SLC25A12: variants seen among roughly 807,000 people sequenced by gnomAD.
The protein encoded by SLC25A12 is electrogenic aspartate/glutamate antiporter SLC25A12, mitochondrial.
Under a neutral mutation model 83.3 loss-of-function variants are expected in SLC25A12, and 32 were observed. That is an observed-to-expected ratio of 0.38 (90% CI 0.29 to 0.52). The LOEUF (loss-of-function observed/expected upper bound fraction) is 0.52. Among genes scored for constraint, SLC25A12 ranks in the 20% least tolerant of loss-of-function variants. The pLI is 0.84. For missense variants in SLC25A12, 611 were observed against 835.6 expected (o/e 0.73, Z 3.31); for synonymous variants, 267 against 291.1 (o/e 0.92, Z 0.84).
chr2:171,884,759 G>C (rs1378587656), intron 2 of SLC25A12, among the ~76,000 whole-genome samples: 1 of 150,904 alleles, frequency 6.6e-6, no homozygotes, highest in Non-Finnish European at 1.5e-5. Context: ...TGGGCAACAA[G>C]AGCAAAACTC....
At chr2:171,808,571 T>C (rs1001792496) in intron 13 of SLC25A12, among the ~76,000 whole-genome samples, 3 of 152,232 alleles carry the variant, frequency 2.0e-5, no homozygotes, top group African/African-American at 7.2e-5. Context: ...ATATGAATGG[T>C]AACTCTATCC....
rs770224436 is a variant in SLC25A12 at position 171,894,224 on chromosome 2, G to A, written c.-10C>T. The A allele has an allele frequency of 3.2e-5, 52 of 1,608,716 alleles. No homozygotes were observed. The highest frequency in any genetic ancestry group is 5.0e-5 in the Admixed American group (3 of 59,484). The stretch of plus-strand genomic sequence containing the variant: ...TCACCTTGACCGCCATGCTGTGCTC[G>A]GAAGCCGGGGACGAGCGAGTGAGCG... On this transcript the variant is annotated 5_prime_UTR_variant, in exon 1 of 18. Coordinates refer to ENST00000422440, the MANE Select transcript of SLC25A12 (RefSeq NM_003705.5).
intron 13 of SLC25A12, among the ~76,000 whole-genome samples, chr2:171,794,135 T>G (rs1406273245): frequency 1.3e-5 from 2 of 152,160 alleles, no homozygotes; most frequent in East Asian, 3.8e-4. Flanking sequence ...GAAAAAGAGA[T>G]AGTAAAAGAC....
intron 11 of SLC25A12, among the ~76,000 whole-genome samples, chr2:171,810,659 C>G (rs1191555715): frequency 6.6e-6 from 1 of 152,146 alleles, no homozygotes; most frequent in Non-Finnish European, 1.5e-5. Flanking sequence ...TACACAGATA[C>G]TGTACACTTG....
chr2:171,860,975 C>CA (rs1685145709), intron 3 of SLC25A12, among the ~76,000 whole-genome samples: 1 of 151,902 alleles, frequency 6.6e-6, no homozygotes, highest in South Asian at 2.1e-4. Flanking sequence ...CCTGTGGTCC[C>CA]AACTATTTGG....
intron 2 of SLC25A12, among the ~76,000 whole-genome samples, chr2:171,873,011 T>C (rs1685489515): frequency 6.6e-6 from 1 of 152,190 alleles, no homozygotes; most frequent in African/African-American, 2.4e-5. Flanking sequence ...AACTTTATTC[T>C]GCGAGCTGTG....
At chr2:171,871,056 G>A (rs566844292) in intron 2 of SLC25A12, among the ~76,000 whole-genome samples, 23 of 152,102 alleles carry the variant, frequency 1.5e-4, no homozygotes, top group Admixed American at 4.6e-4. Context: ...TAGAAAAGTA[G>A]CTGGGCATGG....
intron 5 of SLC25A12, among the ~76,000 whole-genome samples, chr2:171,837,823 T>C (rs1684589295): frequency 3.3e-5 from 5 of 152,208 alleles, no homozygotes; most frequent in Admixed American, 2.0e-4. Flanking sequence ...CAATATTCAG[T>C]CATTCTAAAA....
chr2:171,858,576 A>G (rs1169503343), intron 3 of SLC25A12, among the ~76,000 whole-genome samples: 1 of 152,250 alleles, frequency 6.6e-6, no homozygotes, highest in East Asian at 1.9e-4. Flanking sequence ...CAGCTGGCAG[A>G]CTGAATTTGG....
intron 3 of SLC25A12, among the ~76,000 whole-genome samples, chr2:171,857,319 C>T (rs996997689): frequency 6.6e-6 from 1 of 152,116 alleles, no homozygotes; most frequent in African/African-American, 2.4e-5. Context: ...TGTAATAAGC[C>T]ATGATCATGC....
intron 3 of SLC25A12, among the ~76,000 whole-genome samples, chr2:171,866,574 G>C (rs1345309728): frequency 2.3e-5 from 3 of 128,906 alleles, no homozygotes; most frequent in Admixed American, 7.6e-5. Context: ...CCGGGCGGCT[G>C]GCCGGGCGGG....
intron 13 of SLC25A12, among the ~76,000 whole-genome samples, chr2:171,805,300 G>A (rs911749879): frequency 5.9e-5 from 9 of 152,092 alleles, no homozygotes; most frequent in African/African-American, 2.2e-4. Flanking sequence ...CAGTAGAGAC[G>A]GGGTTTCACT....
Position 171,784,826 on chromosome 2 carries a change from GAATTT to G in SLC25A12, c.*443_*447del. 5.3e-6 allele frequency: 1 copy of G among 188,320 alleles called. No individual in the cohort carries two copies. Among genetic ancestry groups the G allele is most frequent in the Middle Eastern group, 2.6e-3 (1 of 382 alleles). The allele number at this position is 188,320 out of a possible 1,614,324, so 11.7% of individuals were successfully genotyped here. The stretch of plus-strand genomic sequence containing the variant: ...TTCCATAAGTCACCAATAAGAGAAT[GAATTT>G]AATTTTAATACATTTATTTTTGTGT... On this transcript the variant is annotated 3_prime_UTR_variant, in exon 18 of 18. Transcript: ENST00000422440.
intron 13 of SLC25A12, among the ~76,000 whole-genome samples, chr2:171,800,183 A>G (rs1683680890): frequency 1.3e-5 from 2 of 152,192 alleles, no homozygotes; most frequent in Admixed American, 1.3e-4. Context: ...AAAGTAATAA[A>G]CAAGTCACAA....
chr2:171,784,866 T>C lies in SLC25A12; in HGVS notation c.*408A>G. The C allele has an allele frequency of 5.3e-6, 1 of 189,136 alleles. No individual in the cohort carries two copies. Among genetic ancestry groups the C allele is most frequent in the Non-Finnish European group, 1.1e-5 (1 of 88,468 alleles). 11.7% of individuals were successfully genotyped at this position (189,136 alleles called of 1,614,324 possible). A position where few individuals can be genotyped will look rare whatever the true frequency, so the allele number is the denominator to read the frequency against. On this transcript the variant is annotated 3_prime_UTR_variant, in exon 18 of 18. Transcript: ENST00000422440. ...ACATTTATTTTTGTGTGATTCTTAATAAAACACTTTCAAAACATTCTGTAC... is the reference window on the plus strand; with the variant it reads ...ACATTTATTTTTGTGTGATTCTTAACAAAACACTTTCAAAACATTCTGTAC...
At position 171,789,275 on chromosome 2, in the gene SLC25A12, C is replaced by A. The variant is rs562226576; in HGVS notation, c.1586-1328G>T. On this transcript the variant is annotated intron_variant, in intron 15 of 17. Coordinates refer to ENST00000422440, the MANE Select transcript of SLC25A12 (RefSeq NM_003705.5). ...AGACAGTCTCACTCTGTCGCCCAGG[C>A]TGGAGTGCAGTGGCACAATCTCGGC... is the stretch of plus-strand genomic sequence containing the variant. Among the ~76,000 whole-genome samples, 157 of 152,202 alleles carry A rather than the reference C, an allele frequency of 1.0e-3. 1 individual carries two copies. The highest frequency in any genetic ancestry group is 9.7e-3 in the Admixed American group (148 of 15,296).
chr2:171,864,746 T>C (rs150132159), intron 3 of SLC25A12, among the ~76,000 whole-genome samples: 1 of 152,346 alleles, frequency 6.6e-6, no homozygotes, highest in African/African-American at 2.4e-5. Flanking sequence ...TGTGATGCTG[T>C]CCTGACCACC....
chr2:171,880,467 G>A (rs147271475), intron 2 of SLC25A12, among the ~76,000 whole-genome samples: 2,851 of 152,138 alleles, frequency 0.019, 56 homozygotes, highest in Admixed American at 0.067. Flanking sequence ...TAGTAGAGGC[G>A]GGGTTTTACC....
rs1205591174 is a variant in SLC25A12, at chr2:171,850,392, C to CTGCAG, written c.325+5437_325+5441dup. ...ATGGAGTCTTGCTCTGTCGCCCAGG[C>CTGCAG]TGCAGTGCAGTGGCCTGATCTTGGC... On this transcript the variant is annotated intron_variant, in intron 4 of 17. Coordinates refer to ENST00000422440, the MANE Select transcript of SLC25A12 (RefSeq NM_003705.5). 1.1e-4 allele frequency among the ~76,000 whole-genome samples: 14 copies of CTGCAG among 122,508 alleles called. No homozygotes were observed. In the East Asian group the frequency reaches 3.9e-3, roughly 34 times the overall value. 80.4% of individuals were successfully genotyped at this position (122,508 alleles called of 152,430 possible). A position where few individuals can be genotyped will look rare whatever the true frequency, so the allele number is the denominator to read the frequency against.
Sources: gnomAD v4.1 joint callset for allele counts (sites outside exome capture counted in the v4.1 genomes callset) on GRCh38, gnomAD v4.1.1 for gene constraint, MANE v1.5 for transcripts, NCBI Gene and HGNC (gene_info 2026-07-23, HGNC 2026-07-21) for gene names.